Variants in OXR1 observed in about 807,000 individuals in gnomAD.
OXR1 encodes the protein oxidation resistance protein 1.
OXR1 carries 41 observed loss-of-function variants against 104.6 expected under a neutral mutation model. The ratio of observed to expected loss-of-function variants is 0.39; its 90% CI spans 0.31 to 0.51. The LOEUF is 0.51. Among genes scored for constraint, OXR1 ranks in the 20% least tolerant of loss-of-function variants. The probability of loss-of-function intolerance (pLI) is 0.77; values close to 1 mark genes in which losing one functional copy is unlikely to be tolerated. For missense variants in OXR1, 955 were observed against 1,031.9 expected (o/e 0.93, Z 1.02); for synonymous variants, 348 against 348.4 (o/e 1.00, Z 0.01).
At chr8:106,575,711 A>G (rs1052543478) in intron 3 of OXR1, among the ~76,000 whole-genome samples, 114 of 128,276 alleles carry the variant, frequency 8.9e-4, no homozygotes, top group Admixed American at 4.3e-3. Flanking sequence ...AAAAAAAAAA[A>G]AAAGAGAAAG....
At chr8:106,308,043 T>C (rs774205354) in intron 1 of OXR1, among the ~76,000 whole-genome samples, 2 of 150,848 alleles carry the variant, frequency 1.3e-5, no homozygotes, top group Non-Finnish European at 3.0e-5. Context: ...CACACAGAAA[T>C]TTATTAAAAG....
At chr8:106,514,691 C>T (rs1206031864) in intron 2 of OXR1, among the ~76,000 whole-genome samples, 1 of 151,966 alleles carries the variant, frequency 6.6e-6, no homozygotes, top group Non-Finnish European at 1.5e-5. Context: ...TAATATCTAT[C>T]CCTTTATCAA....
chr8:106,571,057 C>T (rs189575907), intron 3 of OXR1, among the ~76,000 whole-genome samples: 2 of 151,664 alleles, frequency 1.3e-5, no homozygotes, highest in East Asian at 3.9e-4. Flanking sequence ...AGAGTTGGAA[C>T]CAGTAAACAA....
At chr8:106,593,546 A>G (rs1295468005) in intron 3 of OXR1, among the ~76,000 whole-genome samples, 2 of 152,230 alleles carry the variant, frequency 1.3e-5, no homozygotes, top group Non-Finnish European at 2.9e-5. Flanking sequence ...TGGGAGGCCA[A>G]GGCGGGCGGA....
intron 16 of OXR1, among the ~76,000 whole-genome samples, chr8:106,747,946 T>C (rs538925602): frequency 6.6e-6 from 1 of 152,304 alleles, no homozygotes; most frequent in East Asian, 1.9e-4. Context: ...TCTTAATCTT[T>C]TATTAACCCT....
rs570134186 is a variant in OXR1 at position 106,447,856 on chromosome 8, A to G, written c.24-71087A>G. ...TGGGATTTGGGTCTCTTTTTGCCTT[A>G]GATGTTGGTCTGATACTAGCCCCAC... On this transcript the variant is annotated intron_variant, in intron 2 of 16. Coordinates refer to ENST00000517566, the MANE Select transcript of OXR1 (RefSeq NM_001198533.2). 18 of 1,434,032 alleles carry G rather than the reference A, an allele frequency of 1.3e-5. No individual in the cohort carries two copies. The East Asian group carries it at 3.5e-4, about 28-fold the overall frequency. The allele number at this position is 1,434,032 out of a possible 1,614,324, so 88.8% of individuals were successfully genotyped here. A position where few individuals can be genotyped will look rare whatever the true frequency, so the allele number is the denominator to read the frequency against.
intron 3 of OXR1, among the ~76,000 whole-genome samples, chr8:106,591,918 G>A (rs754932277): frequency 1.3e-5 from 2 of 152,168 alleles, no homozygotes; most frequent in Admixed American, 6.5e-5. Context: ...GTAAATGAGG[G>A]GACACCTGGC....
At position 106,413,037 on chromosome 8, in the gene OXR1, G is replaced by A. The variant is rs1288999704; in HGVS notation, c.23+53401G>A. 3.3e-5 allele frequency among the ~76,000 whole-genome samples: 5 copies of A among 152,078 alleles called. No individual in the cohort carries two copies. The East Asian group carries it at 9.7e-4, about 29-fold the overall frequency. On this transcript the variant is annotated intron_variant, in intron 2 of 16. Transcript: ENST00000517566. ...GGAATTCATTTAGTTGTGTATGACT[G>A]ACTTAGAACATTTTTTGGCAAATAA...
intron 3 of OXR1, among the ~76,000 whole-genome samples, chr8:106,572,723 C>T (rs1261616477): frequency 6.6e-6 from 1 of 152,190 alleles, no homozygotes; most frequent in Non-Finnish European, 1.5e-5. Context: ...CTGTCTAAGA[C>T]ATCACTAGAA....
intron 1 of OXR1, among the ~76,000 whole-genome samples, chr8:106,357,306 G>C (rs1023627884): frequency 1.3e-5 from 2 of 151,984 alleles, no homozygotes; most frequent in Admixed American, 6.6e-5. Context: ...AACTGTTGTG[G>C]TGTCAGAATT....
At chr8:106,670,457 A>G (rs1270356708) in intron 3 of OXR1, among the ~76,000 whole-genome samples, 2 of 152,208 alleles carry the variant, frequency 1.3e-5, no homozygotes, top group African/African-American at 2.4e-5. Flanking sequence ...GTGACACAAT[A>G]GAGAATAGAA....
intron 2 of OXR1, among the ~76,000 whole-genome samples, chr8:106,371,304 C>A (rs1384294493): frequency 6.6e-6 from 1 of 151,292 alleles, no homozygotes; most frequent in Non-Finnish European, 1.5e-5. Flanking sequence ...CTTTATTAGC[C>A]TAGCTAGCAG....
intron 3 of OXR1, among the ~76,000 whole-genome samples, chr8:106,632,071 A>T (rs1822733140): frequency 1.3e-5 from 2 of 152,198 alleles, no homozygotes; most frequent in Admixed American, 1.3e-4. Context: ...ATGCTCGCTA[A>T]ACCTAAATAT....
chr8:106,486,741 C>G (rs1046493969), intron 2 of OXR1, among the ~76,000 whole-genome samples: 1 of 151,892 alleles, frequency 6.6e-6, no homozygotes, highest in African/African-American at 2.4e-5. Flanking sequence ...CATAAAATGA[C>G]TCTTTTCGTC....
intron 1 of OXR1, among the ~76,000 whole-genome samples, chr8:106,289,327 A>C (rs576332009): frequency 1.3e-5 from 2 of 152,334 alleles, no homozygotes; most frequent in African/African-American, 4.8e-5. Context: ...TCAGTATACA[A>C]AATCAATGTA....
At chr8:106,715,540 C>A (rs1832156416) in intron 11 of OXR1, among the ~76,000 whole-genome samples, 1 of 151,354 alleles carries the variant, frequency 6.6e-6, no homozygotes, top group Non-Finnish European at 1.5e-5. Flanking sequence ...AAGATACGTA[C>A]CTAACTAAGG....
rs1826478569 is a variant in OXR1, at chr8:106,667,612, T to TA, written c.221-11597dup. On this transcript the variant is annotated intron_variant, in intron 3 of 16. Transcript: ENST00000517566. ...TGTGGAATAAATAAACTACTGGAAT[T>TA]ATGATCATTCTTTTTTCACATGCCA... Among the ~76,000 whole-genome samples the TA allele has an allele frequency of 2.0e-5, 3 of 152,264 alleles. No individual in the cohort carries two copies. In the South Asian group the frequency reaches 6.2e-4, roughly 31 times the overall value.
chr8:106,357,910 T>A (rs1322566979), intron 1 of OXR1, among the ~76,000 whole-genome samples: 1 of 152,116 alleles, frequency 6.6e-6, no homozygotes, highest in Non-Finnish European at 1.5e-5. Flanking sequence ...CGCTGCTAGT[T>A]TTCTGCCAGT....
intron 3 of OXR1, among the ~76,000 whole-genome samples, chr8:106,583,386 C>A (rs1179702744): frequency 6.6e-6 from 1 of 152,090 alleles, no homozygotes; most frequent in Non-Finnish European, 1.5e-5. Flanking sequence ...AACACTTAAC[C>A]TCTGTAAAAC....
Sources: allele counts gnomAD v4.1 joint callset (sites outside exome capture counted in the v4.1 genomes callset), GRCh38; gene constraint gnomAD v4.1.1; transcripts MANE v1.5; gene names NCBI Gene and HGNC (gene_info 2026-07-23, HGNC 2026-07-21).